Variants in SEPTIN4 observed in about 807,000 individuals in gnomAD.
SEPTIN4 encodes the protein septin 4.
In SEPTIN4, 52 loss-of-function variants were observed where a neutral mutation model predicts 107.1. That is an observed-to-expected ratio of 0.49 (90% confidence interval 0.39 to 0.61). The LOEUF (loss-of-function observed/expected upper bound fraction) is 0.61, where lower values mean the gene tolerates loss of function less well. Among genes scored for constraint, SEPTIN4 ranks in the 20% least tolerant of loss-of-function variants. The pLI is 0.00. For synonymous variants in SEPTIN4, 417 were observed against 467.0 expected (o/e 0.89, Z 1.38); for missense variants, 1,048 against 1,243.5 (o/e 0.84, Z 2.36).
At chr17:58,540,594 G>T in intron 3 of SEPTIN4, 72 bp downstream of exon 3, 1 of 1,234,940 alleles carries the variant, frequency 8.1e-7, no homozygotes, top group South Asian at 2.2e-5. Context: ...TCCCATTACA[G>T]GACAGGAGAT....
In SEPTIN4 at chr17:58,529,358, G is replaced by A. The variant is rs962614640; in HGVS notation, c.1615-2380C>T. 3.1e-5 allele frequency: 45 copies of A among 1,463,908 alleles called. No individual in the cohort carries two copies. The African/African-American group carries it at 5.6e-4, about 18-fold the overall frequency. The allele number at this position is 1,463,908 out of a possible 1,614,324, so 90.7% of individuals were successfully genotyped here. A position where few individuals can be genotyped will look rare whatever the true frequency, so the allele number is the denominator to read the frequency against. On this transcript the variant is annotated intron_variant, in intron 3 of 13. Coordinates refer to ENST00000672673, the MANE Select transcript of SEPTIN4 (RefSeq NM_001368771.2). The stretch of plus-strand genomic sequence containing the variant: ...CAGGGGCCAAAAAAGCCTGTGGAAT[G>A]TCCTTCCCCACCCCTCTTCTCCTCC...
At chr17:58,541,994 T>A in intron 1 of SEPTIN4, 28 bp from the exon 2 acceptor site, 2 of 1,610,364 alleles carry the variant, frequency 1.2e-6, no homozygotes, top group Non-Finnish European at 1.7e-6. Context: ...ATGGTTGCTT[T>A]TCTTCTCTCT....
intron 3 of SEPTIN4, among the ~76,000 whole-genome samples, chr17:58,537,193 G>A (rs2043741195): frequency 6.6e-6 from 1 of 152,226 alleles, no homozygotes; most frequent in African/African-American, 2.4e-5. Flanking sequence ...GGAGTAACCT[G>A]CCCAGGTCTC....
In SEPTIN4 at chr17:58,525,715, C is replaced by A; in HGVS notation, c.2072G>T (p.Arg691Leu). The A allele has an allele frequency of 6.2e-7, 1 of 1,614,102 alleles. No individual in the cohort carries two copies. The highest frequency in any genetic ancestry group is 8.5e-7 in the Non-Finnish European group (1 of 1,179,982). The change falls in exon 6 of 14, where the codon CGG becomes CTG. Residue 691 changes from arginine (R) to leucine (L), a missense_variant. Arg to Leu is a moderately radical substitution (Grantham distance 102). Around this residue, in one of 2 missense-constraint regions of SEPTIN4, gnomAD observed 787 missense variants for 871.8 expected, o/e 0.90. Coordinates refer to ENST00000672673, the MANE Select transcript of SEPTIN4 (RefSeq NM_001368771.2). Reference protein sequence around the residue: ...SLFLTDLYRDRKLLGAEERIM... With the variant: ...SLFLTDLYRDLKLLGAEERIM... ...CTTACCTTCAGCACCAAGAAGTTTC[C>A]GGTCCCGGTACAGATCAGTGAGGAA...
intron 2 of SEPTIN4, chr17:58,541,627 T>A (rs1024937929): frequency 5.6e-6 from 4 of 709,000 alleles, no homozygotes; most frequent in Non-Finnish European, 9.1e-6. Flanking sequence ...TAAAATCATG[T>A]GATAGATGAC....
chr17:58,520,961 C>CT (rs1567947178), intron 12 of SEPTIN4, 37 bp downstream of exon 12: 1 of 1,612,628 alleles, frequency 6.2e-7, no homozygotes, highest in Non-Finnish European at 8.5e-7. Flanking sequence ...GGCTTGGGAT[C>CT]TCCCCCTGCC....
chr17:58,536,714 G>T (rs1186198919), intron 3 of SEPTIN4, among the ~76,000 whole-genome samples: 3 of 152,182 alleles, frequency 2.0e-5, no homozygotes, highest in Non-Finnish European at 4.4e-5. Flanking sequence ...AGCCCCCAAG[G>T]TGCAGCTGTC....
intron 3 of SEPTIN4, among the ~76,000 whole-genome samples, chr17:58,534,737 C>T (rs1174242911): frequency 1.3e-5 from 2 of 152,198 alleles, no homozygotes; most frequent in East Asian, 1.9e-4. Context: ...GCCACCATAG[C>T]TCTAGCCTGC....
intron 3 of SEPTIN4, among the ~76,000 whole-genome samples, chr17:58,539,805 T>G (rs939625574): frequency 6.6e-6 from 1 of 152,138 alleles, no homozygotes; most frequent in Admixed American, 6.5e-5. Flanking sequence ...CTGTCTTGCA[T>G]GGAGATAATC....
intron 3 of SEPTIN4, among the ~76,000 whole-genome samples, chr17:58,539,565 G>A (rs560999705): frequency 6.6e-6 from 1 of 152,294 alleles, no homozygotes; most frequent in South Asian, 2.1e-4. Flanking sequence ...TGACATTTGA[G>A]CACAAACTAT....
At chr17:58,526,343 G>A (rs769541358) in intron 4 of SEPTIN4, 30 bp from the exon 5 acceptor site, 25 of 1,500,316 alleles carry the variant, frequency 1.7e-5, no homozygotes, top group Admixed American at 6.8e-5. Flanking sequence ...AATGCATCAC[G>A]GTGAGGAGCC....
chr17:58,538,367 G>A lies in SEPTIN4; in HGVS notation c.1614+2299C>T, dbSNP rs187537766. ...GATTCCTGGCCTATTTTCCAGAGTT[G>A]GTTTCTTGCATAATTGATAGAGCAG... On this transcript the variant is annotated intron_variant, in intron 3 of 13. Transcript: ENST00000672673. This position sits in a 1 kb window ranked among gnomAD's most constrained non-coding sequence, Gnocchi z 4.7. Among the ~76,000 whole-genome samples, 6 of 152,252 alleles carry A rather than the reference G, an allele frequency of 3.9e-5. No homozygotes were observed. Among genetic ancestry groups the A allele is most frequent in the Admixed American group, 1.3e-4 (2 of 15,294 alleles).
chr17:58,532,715 G>C (rs2043560733), intron 3 of SEPTIN4, among the ~76,000 whole-genome samples: 1 of 152,210 alleles, frequency 6.6e-6, no homozygotes, highest in South Asian at 2.1e-4. Context: ...TGTGGCTGAG[G>C]ACAGTGGGGA....
chr17:58,527,668 AAACCCGCC>A (rs1252577961), intron 3 of SEPTIN4: 3 of 220,610 alleles, frequency 1.4e-5, no homozygotes, highest in African/African-American at 4.7e-5. Context: ...AGAGAAGAGT[AAACCCGCC>A]AGTGGATGCT....
chr17:58,529,207 C>A lies in SEPTIN4; in HGVS notation c.1615-2229G>T. The A allele has an allele frequency of 3.1e-6, 5 of 1,614,188 alleles. No homozygotes were observed. The South Asian group carries it at 4.4e-5, about 14-fold the overall frequency. On this transcript the variant is annotated intron_variant, in intron 3 of 13. Transcript: ENST00000672673. ...GCTTCAGACTCCCTGTCAGAAAGCT[C>A]TAGGTCTAATTTTATCTCCCAGGCA...
At chr17:58,534,338 C>T (rs1280260848) in intron 3 of SEPTIN4, among the ~76,000 whole-genome samples, 1 of 152,250 alleles carries the variant, frequency 6.6e-6, no homozygotes, top group African/African-American at 2.4e-5. Flanking sequence ...CCCATGCCAA[C>T]TTGGCTATTA....
rs2144247393 is a variant in SEPTIN4, at chr17:58,538,244, C to T, written c.1614+2422G>A. Reference sequence around the variant, plus strand: ...CAAAATGTCCCTGTGATTCAAAAGCCAACAGGAGGCTGATCATCCCATCCC... The same window carrying T: ...CAAAATGTCCCTGTGATTCAAAAGCTAACAGGAGGCTGATCATCCCATCCC... On this transcript the variant is annotated intron_variant, in intron 3 of 13. Transcript: ENST00000672673. The surrounding 1 kb of genome is among the most constrained non-coding windows in gnomAD (Gnocchi z 4.7). 6.6e-6 allele frequency among the ~76,000 whole-genome samples: 1 copy of T among 152,280 alleles called. No individual in the cohort carries two copies. Among genetic ancestry groups the T allele is most frequent in the African/African-American group, 2.4e-5 (1 of 41,574 alleles).
chr17:58,544,191 T>C lies in SEPTIN4; in HGVS notation c.-5A>G, dbSNP rs1189303612. On this transcript the variant is annotated 5_prime_UTR_variant, in exon 1 of 14. Transcript: ENST00000672673. ...AGGTTTATTTGTCTTGACCATCTGATAGATTGTGCCCTTCTGAGTAGATCC... is the reference window on the plus strand; with the variant it reads ...AGGTTTATTTGTCTTGACCATCTGACAGATTGTGCCCTTCTGAGTAGATCC... The C allele has an allele frequency of 3.1e-6, 5 of 1,606,118 alleles. No homozygotes were observed. The African/African-American group carries it at 4.0e-5, about 13-fold the overall frequency.
At chr17:58,527,039 G>T in intron 3 of SEPTIN4, 61 bp from the exon 4 acceptor site, 1 of 1,612,196 alleles carries the variant, frequency 6.2e-7, no homozygotes, top group South Asian at 1.1e-5. Context: ...CGGAAGGGAA[G>T]AATGAGGAAG....
Sources: allele counts gnomAD v4.1 joint callset (sites outside exome capture counted in the v4.1 genomes callset), GRCh38; gene constraint gnomAD v4.1.1; regional missense constraint gnomAD v4.1.1; non-coding constraint Gnocchi (gnomAD v3.1); transcripts MANE v1.5; gene names NCBI Gene and HGNC (gene_info 2026-07-23, HGNC 2026-07-21).